Variants in KIAA1191 observed in about 807,000 individuals in gnomAD.
KIAA1191 encodes putative monooxygenase p33MONOX.
Under a neutral mutation model 31.1 loss-of-function variants are expected in KIAA1191, and 22 were observed. The observed-to-expected ratio is 0.71, with a 90% CI of 0.51 to 1.01. The LOEUF (loss-of-function observed/expected upper bound fraction) is 1.01, where lower values mean the gene tolerates loss of function less well. Ranked by LOEUF, KIAA1191 falls within the 50% of genes least tolerant of loss-of-function variation. KIAA1191 has a pLI of 0.00. For synonymous variants in KIAA1191, 130 were observed against 143.9 expected, an observed-to-expected ratio of 0.90 and a Z score of 0.69; for missense variants, 319 against 388.0, an observed-to-expected ratio of 0.82 and a Z score of 1.49.
intron 5 of KIAA1191, 51 bp from the exon 6 acceptor site, chr5:176,350,788 AAT>A: frequency 6.2e-7 from 1 of 1,604,706 alleles, no homozygotes; most frequent in Non-Finnish European, 8.5e-7. Flanking sequence ...CCCATCACAA[AAT>A]AAGGAGGACA....
Position 176,355,851 on chromosome 5 carries a change from G to T in KIAA1191, c.29-102C>A. On this transcript the variant is annotated intron_variant, in intron 3 of 8. Transcript: ENST00000298569. The surrounding 1 kb of genome is among the most constrained non-coding windows in gnomAD (Gnocchi z 4.2). ...AAAGCTCTGAAATACTCTTGTTCTTGAACAGAGCAAAATAGCTTGTTTTGG... is the reference window on the plus strand; with the variant it reads ...AAAGCTCTGAAATACTCTTGTTCTTTAACAGAGCAAAATAGCTTGTTTTGG... The T allele has an allele frequency of 8.4e-7, 1 of 1,183,522 alleles. No homozygotes were observed. Among genetic ancestry groups the T allele is most frequent in the Non-Finnish European group, 1.2e-6 (1 of 807,168 alleles). 73.3% of individuals were successfully genotyped at this position (1,183,522 alleles called of 1,614,324 possible).
intron 4 of KIAA1191, chr5:176,354,284 C>A (rs540215095): frequency 6.6e-6 from 1 of 152,366 alleles, no homozygotes; most frequent in Admixed American, 6.5e-5. Context: ...CTAGGGCAGA[C>A]CACCTGGGAC....
intron 5 of KIAA1191, among the ~76,000 whole-genome samples, chr5:176,352,208 G>A (rs563815714): frequency 8.7e-5 from 13 of 150,182 alleles, no homozygotes; most frequent in Admixed American, 6.0e-4. Flanking sequence ...GGAAATGCCC[G>A]GATGTTTCCC....
intron 6 of KIAA1191, chr5:176,349,118 C>T (rs995067774): frequency 2.0e-5 from 3 of 152,144 alleles, no homozygotes; most frequent in Non-Finnish European, 2.9e-5. Context: ...AATATTTCAG[C>T]CATCCTCATG....
Position 176,346,573 on chromosome 5 carries a change from CA to C in KIAA1191, c.*1026del, listed in dbSNP as rs886164901. 1.3e-5 allele frequency: 2 copies of C among 152,214 alleles called. No homozygotes were observed. The highest frequency in any genetic ancestry group is 4.8e-5 in the African/African-American group (2 of 41,464). 9.4% of individuals were successfully genotyped at this position (152,214 alleles called of 1,614,324 possible). On this transcript the variant is annotated 3_prime_UTR_variant, in exon 9 of 9. Transcript: ENST00000298569. ...TTTTCTCTCTTAGGAAGTTTTTAACCAAATTACAGCTAAATTAATCTCACTT... is the reference window on the plus strand; with the variant it reads ...TTTTCTCTCTTAGGAAGTTTTTAACCAATTACAGCTAAATTAATCTCACTT...
chr5:176,359,703 A>G, intron 2 of KIAA1191, 108 bp downstream of exon 2: 2 of 565,762 alleles, frequency 3.5e-6, no homozygotes, highest in Non-Finnish European at 6.6e-6. Flanking sequence ...AAACATGCCA[A>G]TGAAAAAAGA....
At chr5:176,350,854 A>C (rs1766932716) in intron 5 of KIAA1191, 117 bp from the exon 6 acceptor site, 5 of 1,270,322 alleles carry the variant, frequency 3.9e-6, no homozygotes, top group Non-Finnish European at 5.4e-6. Flanking sequence ...GACCATTCAA[A>C]GAAGAGGAGA....
chr5:176,348,224 T>C, intron 7 of KIAA1191, 26 bp downstream of exon 7: 1 of 1,609,178 alleles, frequency 6.2e-7, no homozygotes, highest in African/African-American at 1.3e-5. Flanking sequence ...ACGCAGGAAC[T>C]CGGAAGGGTC....
intron 3 of KIAA1191, chr5:176,357,333 G>A (rs72825342): frequency 0.2 from 30,076 of 151,804 alleles, 3,015 homozygotes; most frequent in Middle Eastern, 0.29. Context: ...AAAATGTGCT[G>A]CAATTGATCG....
At chr5:176,360,805 A>T (rs757340549) in intron 1 of KIAA1191, among the ~76,000 whole-genome samples, 18 of 152,050 alleles carry the variant, frequency 1.2e-4, no homozygotes, top group Non-Finnish European at 2.5e-4. Context: ...GGTCTCAAAA[A>T]TAAAAATTAA....
Position 176,355,794 on chromosome 5 carries a change from T to A in KIAA1191, c.29-45A>T, listed in dbSNP as rs1767462742. On this transcript the variant is annotated intron_variant, in intron 3 of 8. Transcript: ENST00000298569. The surrounding 1 kb of genome is among the most constrained non-coding windows in gnomAD (Gnocchi z 4.2). ...TCAAGACAGGTTCAGCAACTGGACA[T>A]ACTAGCAGCTTTAAATTAATCTACA... is the stretch of plus-strand genomic sequence containing the variant. 6.4e-7 allele frequency: 1 copy of A among 1,559,700 alleles called. No homozygotes were observed. The highest frequency in any genetic ancestry group is 1.1e-5 in the South Asian group (1 of 89,690).
At chr5:176,352,837 A>C in intron 4 of KIAA1191, 89 bp from the exon 5 acceptor site, 1 of 1,356,884 alleles carries the variant, frequency 7.4e-7, no homozygotes, top group Admixed American at 2.6e-5. Context: ...GAAGTTACTG[A>C]AATAACATTA....
At position 176,361,424 on chromosome 5, in the gene KIAA1191, G is replaced by C. The variant is rs985862796; in HGVS notation, c.-168+178C>G. ...CCCCATTACGGAGACCCCAGAGAGC[G>C]GAGCCAGGGAGGCAAGAGGCGACCC... On this transcript the variant is annotated intron_variant, in intron 1 of 8. Coordinates refer to ENST00000298569, the MANE Select transcript of KIAA1191 (RefSeq NM_020444.5). This position sits in a 1 kb window ranked among gnomAD's most constrained non-coding sequence, Gnocchi z 4.0. 6.6e-6 allele frequency: 1 copy of C among 152,430 alleles called. No individual in the cohort carries two copies. The highest frequency in any genetic ancestry group is 1.5e-5 in the Non-Finnish European group (1 of 68,202). 9.4% of individuals were successfully genotyped at this position (152,430 alleles called of 1,614,324 possible). A position where few individuals can be genotyped will look rare whatever the true frequency, so the allele number is the denominator to read the frequency against.
At chr5:176,349,402 G>A (rs957969118) in intron 6 of KIAA1191, among the ~76,000 whole-genome samples, 2 of 152,160 alleles carry the variant, frequency 1.3e-5, no homozygotes, top group Admixed American at 6.5e-5. Context: ...AAACAGGGCC[G>A]GGTGCGGTGG....
chr5:176,349,661 C>T (rs1323407156), intron 6 of KIAA1191, among the ~76,000 whole-genome samples: 1 of 152,136 alleles, frequency 6.6e-6, no homozygotes, highest in Non-Finnish European at 1.5e-5. Flanking sequence ...TGACTGCAAA[C>T]AGGCCACAGT....
chr5:176,352,613 A>T lies in KIAA1191; in HGVS notation c.334+9T>A. ...ATGGCACTCTACTCTGAGGGTGAAG[A>T]GTGCTTACTTGTGATCAGAGAATTC... is the stretch of plus-strand genomic sequence containing the variant. On this transcript the variant is annotated intron_variant, in intron 5 of 8. Transcript: ENST00000298569. The T allele has an allele frequency of 1.2e-6, 2 of 1,612,956 alleles. No homozygotes were observed. Among genetic ancestry groups the T allele is most frequent in the Non-Finnish European group, 1.7e-6 (2 of 1,179,364 alleles).
rs35401718 is a variant in KIAA1191 at position 176,348,312 on chromosome 5, C to G, written c.504G>C (p.Gln168His). The change falls in exon 7 of 9, where the codon CAG (glutamine) becomes CAC (histidine). Residue 168 changes from glutamine to histidine, a missense_variant. Coordinates refer to ENST00000298569, the MANE Select transcript of KIAA1191 (RefSeq NM_020444.5). Reference sequence around the variant, plus strand: ...TTGGGGTGGACTGGGCTGATGCAGGCTGCCTCTCTTCTTTTGTTACCTCTC... The same window carrying G: ...TTGGGGTGGACTGGGCTGATGCAGGGTGCCTCTCTTCTTTTGTTACCTCTC... ...QSGEVTKEER[Q>H]PASAQSTPST... 1 of 1,613,656 alleles carries G rather than the reference C, an allele frequency of 6.2e-7. No homozygotes were observed. Among genetic ancestry groups the G allele is most frequent in the African/African-American group, 1.3e-5 (1 of 74,778 alleles).
chr5:176,359,741 C>G (rs1402224196), intron 2 of KIAA1191, 70 bp downstream of exon 2: 6 of 483,686 alleles, frequency 1.2e-5, no homozygotes, highest in African/African-American at 1.9e-5. Context: ...CTCACCACAC[C>G]TGTGGCTGAT....
rs1767464122 is a variant in KIAA1191 at position 176,355,825 on chromosome 5, G to A, written c.29-76C>T. ...CAGCTTTAAATTAATCTACAGGAAG[G>A]AAAGCTCTGAAATACTCTTGTTCTT... On this transcript the variant is annotated intron_variant, in intron 3 of 8. Transcript: ENST00000298569. This position sits in a 1 kb window ranked among gnomAD's most constrained non-coding sequence, Gnocchi z 4.2. 6.4e-6 allele frequency: 9 copies of A among 1,396,250 alleles called. No homozygotes were observed. Among genetic ancestry groups the A allele is most frequent in the Non-Finnish European group, 9.1e-6 (9 of 987,122 alleles). 86.5% of individuals were successfully genotyped at this position (1,396,250 alleles called of 1,614,324 possible).
Sources: gnomAD v4.1 joint callset for allele counts (sites outside exome capture counted in the v4.1 genomes callset) on GRCh38, gnomAD v4.1.1 for gene constraint, Gnocchi (gnomAD v3.1) non-coding constraint, MANE v1.5 for transcripts, NCBI Gene and HGNC (gene_info 2026-07-23, HGNC 2026-07-21) for gene names.